The following NT5DC3 variants were observed in gnomAD, a reference collection of about 807,000 sequenced individuals.
NT5DC3 encodes 5'-nucleotidase domain-containing protein 3.
Under a neutral mutation model 67.8 loss-of-function variants are expected in NT5DC3, and 42 were observed. The ratio of observed to expected loss-of-function variants is 0.62; its 90% CI spans 0.48 to 0.80. NT5DC3 has a LOEUF of 0.80. Ranked by LOEUF, NT5DC3 falls within the 30% of genes least tolerant of loss-of-function variation. The pLI is 0.00. For missense variants in NT5DC3, 570 were observed against 696.4 expected (o/e 0.82, Z 2.04); for synonymous variants, 237 against 255.6 (o/e 0.93, Z 0.69).
chr12:103,836,156 A>C (rs2139487745), intron 1 of NT5DC3, among the ~76,000 whole-genome samples: 1 of 152,332 alleles, frequency 6.6e-6, no homozygotes, highest in African/African-American at 2.4e-5. Flanking sequence ...GTGGGGACAC[A>C]GAGCCAAACC....
chr12:103,769,041 A>G (rs940476518), downstream of NT5DC3, among the ~76,000 whole-genome samples: 36 of 152,108 alleles, frequency 2.4e-4, no homozygotes, highest in African/African-American at 8.7e-4. Flanking sequence ...AGAGTGTTAC[A>G]CTCAGGAGAG....
the NT5DC3 span, among the ~76,000 whole-genome samples, chr12:103,750,371 C>A: frequency 1.3e-5 from 2 of 152,186 alleles, no homozygotes; most frequent in African/African-American, 4.8e-5. Context: ...CTGAGGAAGT[C>A]ACATTTGAAC....
intron 9 of NT5DC3, 129 bp from the exon 10 acceptor site, chr12:103,789,048 T>A: frequency 1.5e-6 from 1 of 679,270 alleles, no homozygotes; most frequent in Admixed American, 2.3e-5. Context: ...AAACCAAAAC[T>A]CCACCATCAT....
At chr12:103,840,385 C>CATCTG (rs1888338800) in intron 1 of NT5DC3, among the ~76,000 whole-genome samples, 1 of 128,828 alleles carries the variant, frequency 7.8e-6, no homozygotes, top group African/African-American at 3.6e-5. Flanking sequence ...CAGCTCATCT[C>CATCTG]ATCTCATCTC....
intron 4 of NT5DC3, among the ~76,000 whole-genome samples, chr12:103,803,512 G>C (rs945193322): frequency 1.3e-5 from 2 of 152,082 alleles, no homozygotes; most frequent in African/African-American, 2.4e-5. Context: ...TACATGTGCA[G>C]GTTTGTTATA....
chr12:103,807,208 C>G (rs1886837824), intron 2 of NT5DC3, among the ~76,000 whole-genome samples: 1 of 152,224 alleles, frequency 6.6e-6, no homozygotes, highest in Admixed American at 6.5e-5. Flanking sequence ...ACTCTCTCCT[C>G]TCTTTCCCTC....
In NT5DC3 at chr12:103,790,320, G is replaced by A. The variant is rs527941999; in HGVS notation, c.1020-1401C>T. ...AGAGAGAGTCCCACTCTGTCGCCCA[G>A]GCTGGAGTGCAGTGGTGCAACCTTG... On this transcript the variant is annotated intron_variant, in intron 9 of 13. Transcript: ENST00000392876. Among the ~76,000 whole-genome samples, 6 of 152,144 alleles carry A rather than the reference G, an allele frequency of 3.9e-5. No individual in the cohort carries two copies. In the South Asian group the frequency reaches 1.0e-3, roughly 26 times the overall value.
intron 10 of NT5DC3, among the ~76,000 whole-genome samples, chr12:103,788,581 T>G (rs73192041): frequency 9.6e-4 from 147 of 152,356 alleles, no homozygotes; most frequent in Non-Finnish European, 1.8e-3. Context: ...TACTGGCATC[T>G]TATATGTTAC....
chr12:103,757,956 G>A, the NT5DC3 span: 7 of 625,296 alleles, frequency 1.1e-5, no homozygotes, highest in African/African-American at 1.8e-5. Context: ...GGGCTGTGAC[G>A]TGGCTGTGTC....
chr12:103,798,869 T>C (rs1002740588), intron 4 of NT5DC3, among the ~76,000 whole-genome samples, 192 bp from the exon 5 acceptor site: 2 of 152,230 alleles, frequency 1.3e-5, no homozygotes, highest in African/African-American at 4.8e-5. Flanking sequence ...ACTGTTCTAT[T>C]GGTAACAAGA....
chr12:103,805,057 C>CAA (rs35401787), intron 4 of NT5DC3, among the ~76,000 whole-genome samples: 166 of 120,892 alleles, frequency 1.4e-3, no homozygotes, highest in South Asian at 3.4e-3. Context: ...ATCTCAATAA[C>CAA]AAAAAAAAAA....
chr12:103,776,263 TG>T lies in NT5DC3; in HGVS notation c.*1565del, dbSNP rs1885335118. 6.6e-6 allele frequency: 1 copy of T among 151,852 alleles called. No homozygotes were observed. Among genetic ancestry groups the T allele is most frequent in the South Asian group, 2.1e-4 (1 of 4,806 alleles). 9.4% of individuals were successfully genotyped at this position (151,852 alleles called of 1,614,324 possible). The stretch of plus-strand genomic sequence containing the variant: ...CACTTGCATTGCCCCTAGAAAGAAA[TG>T]AAAAAAGCAGGCCAGGTGCGGTGGC... On this transcript the variant is annotated 3_prime_UTR_variant, in exon 14 of 14. Transcript: ENST00000392876.
intron 12 of NT5DC3, among the ~76,000 whole-genome samples, chr12:103,783,803 A>AC (rs1555259116): frequency 1.2e-4 from 18 of 152,090 alleles, no homozygotes; most frequent in Admixed American, 2.0e-4. Flanking sequence ...AAAAAAAAAA[A>AC]AAACCTCTTT....
rs3036176 is a variant in NT5DC3, at chr12:103,786,681, A to ATTTTTTTTTTT, written c.1188+749_1188+759dup. Among the ~76,000 whole-genome samples, 201 of 132,296 alleles carry ATTTTTTTTTTT rather than the reference A, an allele frequency of 1.5e-3. 14 individuals are homozygous for ATTTTTTTTTTT. Among genetic ancestry groups the ATTTTTTTTTTT allele is most frequent in the East Asian group, 2.6e-3 (10 of 3,802 alleles). The allele number at this position is 132,296 out of a possible 152,430, so 86.8% of individuals were successfully genotyped here. A position where few individuals can be genotyped will look rare whatever the true frequency, so the allele number is the denominator to read the frequency against. ...GATGCCCACCTTCCTCACTGGTTTGATTTTTTTTTTTTTTTTTTTGAGGCA... is the reference window on the plus strand; with the variant it reads ...GATGCCCACCTTCCTCACTGGTTTGATTTTTTTTTTTTTTTTTTTTTTTTTTTTTTGAGGCA... On this transcript the variant is annotated intron_variant, in intron 11 of 13. Transcript: ENST00000392876.
At chr12:103,781,202 G>A (rs1301261172) in intron 12 of NT5DC3, among the ~76,000 whole-genome samples, 1 of 152,216 alleles carries the variant, frequency 6.6e-6, no homozygotes, top group Non-Finnish European at 1.5e-5. Context: ...GAACAGGCCA[G>A]CTCCCTGCAA....
At chr12:103,815,575 T>C (rs1003947743) in intron 1 of NT5DC3, among the ~76,000 whole-genome samples, 1 of 151,890 alleles carries the variant, frequency 6.6e-6, no homozygotes, top group Admixed American at 6.6e-5. Flanking sequence ...GCACACACCA[T>C]CACACCCTAC....
At chr12:103,798,752 G>T in intron 4 of NT5DC3, 75 bp from the exon 5 acceptor site, 2 of 1,086,656 alleles carry the variant, frequency 1.8e-6, no homozygotes, top group Non-Finnish European at 2.8e-6. Context: ...GTGCAGTGCT[G>T]GGATTTTTCA....
chr12:103,784,749 C>G (rs549189374), intron 12 of NT5DC3, among the ~76,000 whole-genome samples: 62 of 152,310 alleles, frequency 4.1e-4, no homozygotes, highest in African/African-American at 1.4e-3. Flanking sequence ...CAGGAAACGA[C>G]TGATAAAACT....
downstream of NT5DC3, among the ~76,000 whole-genome samples, chr12:103,771,580 C>T (rs186636946): frequency 6.5e-4 from 99 of 152,236 alleles, 1 homozygote; most frequent in African/African-American, 2.3e-3. Flanking sequence ...ACCCAAGCAC[C>T]CTGCAACCCA....
Sources: gnomAD v4.1 joint callset for allele counts (sites outside exome capture counted in the v4.1 genomes callset) on GRCh38, gnomAD v4.1.1 for gene constraint, MANE v1.5 for transcripts, NCBI Gene and HGNC (gene_info 2026-07-23, HGNC 2026-07-21) for gene names.